The following SNRNP200 variants were observed in gnomAD, a reference collection of about 807,000 sequenced individuals.
The protein encoded by SNRNP200 is U5 small nuclear ribonucleoprotein 200 kDa helicase.
In SNRNP200, 66 loss-of-function variants were observed where a neutral mutation model predicts 255.2. The ratio of observed to expected loss-of-function variants is 0.26; its 90% confidence interval spans 0.21 to 0.32. The LOEUF is 0.32. Ranked by LOEUF, SNRNP200 falls within the 10% of genes least tolerant of loss-of-function variation. The pLI, the probability that SNRNP200 is intolerant of heterozygous loss-of-function variation, is 1.00. For missense variants in SNRNP200, 1,585 were observed against 2,749.8 expected, an observed-to-expected ratio of 0.58 and a Z score of 9.47; for synonymous variants, 939 against 1,027.8, an observed-to-expected ratio of 0.91 and a Z score of 1.65.
intron 3 of SNRNP200, among the ~76,000 whole-genome samples, chr2:96,302,253 A>G (rs2063958061): frequency 6.6e-6 from 1 of 152,192 alleles, no homozygotes; most frequent in Non-Finnish European, 1.5e-5. Context: ...TCATGGAGTT[A>G]TGTAGGGTTG....
rs539528597 is a variant in SNRNP200 at position 96,286,186 on chromosome 2, C to A, written c.4003+125G>T. The A allele has an allele frequency of 1.1e-6, 1 of 924,904 alleles. No individual in the cohort carries two copies. The highest frequency in any genetic ancestry group is 1.8e-6 in the Non-Finnish European group (1 of 558,502). The allele number at this position is 924,904 out of a possible 1,614,324, so 57.3% of individuals were successfully genotyped here. A position where few individuals can be genotyped will look rare whatever the true frequency, so the allele number is the denominator to read the frequency against. ...AGGAAAAAGTCCTGGTGGGTCCCAG[C>A]GGTCACACTGAGGAGCTCCCAGACC... is the stretch of plus-strand genomic sequence containing the variant. On this transcript the variant is annotated intron_variant, in intron 29 of 44. Transcript: ENST00000323853. This position sits in a 1 kb window ranked among gnomAD's most constrained non-coding sequence, Gnocchi z 4.8.
chr2:96,277,044 A>G lies in SNRNP200; in HGVS notation c.6092+37T>C, dbSNP rs1277912766. The G allele has an allele frequency of 6.2e-7, 1 of 1,613,858 alleles. No individual in the cohort carries two copies. The highest frequency in any genetic ancestry group is 2.2e-5 in the East Asian group (1 of 44,882). On this transcript the variant is annotated intron_variant, in intron 42 of 44. Transcript: ENST00000323853. The surrounding 1 kb of genome is among the most constrained non-coding windows in gnomAD (Gnocchi z 4.4). ...TGGGGCAGTGGGCTCAGAGCACACT[A>G]TTATGCTGTGCCCAACAGGCACCAC...
Position 96,286,964 on chromosome 2 carries a change from T to G in SNRNP200, c.3639+42A>C. On this transcript the variant is annotated intron_variant, in intron 27 of 44. Coordinates refer to ENST00000323853, the MANE Select transcript of SNRNP200 (RefSeq NM_014014.5). The surrounding 1 kb of genome is among the most constrained non-coding windows in gnomAD (Gnocchi z 4.8). ...ATCTCCTCGGCCCAGCAACGTAGAC[T>G]GAGCACCTCCAATCCAGCACCTCTG... is the stretch of plus-strand genomic sequence containing the variant. 6.2e-7 allele frequency: 1 copy of G among 1,614,112 alleles called. No individual in the cohort carries two copies. The highest frequency in any genetic ancestry group is 8.5e-7 in the Non-Finnish European group (1 of 1,179,936).
chr2:96,278,737 A>G lies in SNRNP200; in HGVS notation c.5324-26T>C. 6.2e-7 allele frequency: 1 copy of G among 1,614,168 alleles called. No homozygotes were observed. Among genetic ancestry groups the G allele is most frequent in the South Asian group, 1.1e-5 (1 of 91,084 alleles). On this transcript the variant is annotated intron_variant, in intron 37 of 44. Coordinates refer to ENST00000323853, the MANE Select transcript of SNRNP200 (RefSeq NM_014014.5). This position sits in a 1 kb window ranked among gnomAD's most constrained non-coding sequence, Gnocchi z 6.9. Reference sequence around the variant, plus strand: ...CTATGGAGGCGAGAGGTGAGTGGGGAGCCTCAAGAAGATGCCCAGCAAAGA... The same window carrying G: ...CTATGGAGGCGAGAGGTGAGTGGGGGGCCTCAAGAAGATGCCCAGCAAAGA...
chr2:96,279,582 A>G (rs1421397237), intron 35 of SNRNP200, 23 bp from the exon 36 acceptor site: 2 of 1,527,198 alleles, frequency 1.3e-6, no homozygotes, highest in Admixed American at 1.7e-5. Flanking sequence ...GCAGGGAAAG[A>G]AGGAAAAGCC....
Position 96,299,409 on chromosome 2 carries a change from A to G in SNRNP200, c.649T>C (p.Tyr217His). The change falls in exon 6 of 45, where the codon TAC (tyrosine) becomes CAC (histidine). Residue 217 changes from tyrosine (Y) to histidine (H), a missense_variant. Physicochemically the swap from Tyr to His is moderately conservative, Grantham distance 83. Transcript: ENST00000323853. Reference sequence around the variant, plus strand: ...GATGCCTCTTCTCGAACCTCCCCGTATACGTCTTCATCACCTTCCTGTGGA... The same window carrying G: ...GATGCCTCTTCTCGAACCTCCCCGTGTACGTCTTCATCACCTTCCTGTGGA... ...SDEEEGDEDVYGEVREEASDD... is the reference protein window; with the variant it reads ...SDEEEGDEDVHGEVREEASDD... The G allele has an allele frequency of 6.2e-7, 1 of 1,614,004 alleles. No individual in the cohort carries two copies. Among genetic ancestry groups the G allele is most frequent in the Non-Finnish European group, 8.5e-7 (1 of 1,179,958 alleles).
intron 36 of SNRNP200, 100 bp downstream of exon 36, chr2:96,279,351 G>T: frequency 1.2e-6 from 1 of 829,588 alleles, no homozygotes. Context: ...AGAGGCAGAA[G>T]TTAAGAGACT....
chr2:96,275,477 C>T, intron 43 of SNRNP200, 128 bp from the exon 44 acceptor site: 2 of 807,568 alleles, frequency 2.5e-6, no homozygotes, highest in Admixed American at 2.0e-5. Context: ...TCCCGAAATA[C>T]AATTAGATTT....
Position 96,281,928 on chromosome 2 carries a change from C to T in SNRNP200, c.4916-6G>A, listed in dbSNP as rs577564253. The T allele has an allele frequency of 2.0e-5, 33 of 1,612,508 alleles. No homozygotes were observed. Among genetic ancestry groups the T allele is most frequent in the African/African-American group, 2.0e-4 (15 of 75,020 alleles). On this transcript the variant is annotated splice_polypyrimidine_tract_variant and splice_region_variant and intron_variant, in intron 34 of 44. Coordinates refer to ENST00000323853, the MANE Select transcript of SNRNP200 (RefSeq NM_014014.5). The stretch of plus-strand genomic sequence containing the variant: ...CACCACCACCTGGATAGCCCCTGAG[C>T]AGTAGAGGGGAGAGGAAGGCTGAGG...
intron 13 of SNRNP200, 68 bp downstream of exon 13, chr2:96,296,468 C>T (rs1203925523): frequency 6.5e-7 from 1 of 1,527,444 alleles, no homozygotes; most frequent in Non-Finnish European, 9.0e-7. Flanking sequence ...GCGGTGAGGT[C>T]CAGGCCTGTC....
In SNRNP200 at chr2:96,283,092, G is replaced by T. The variant is rs2063814629; in HGVS notation, c.4915+109C>A. ...AGCCAAGAGTCCTAAACAGTATTTT[G>T]AAAATCTCTGGTATGCTGTAGAGAA... On this transcript the variant is annotated intron_variant, in intron 34 of 44. Coordinates refer to ENST00000323853, the MANE Select transcript of SNRNP200 (RefSeq NM_014014.5). The surrounding 1 kb of genome is among the most constrained non-coding windows in gnomAD (Gnocchi z 4.7). The T allele has an allele frequency of 2.8e-6, 4 of 1,408,222 alleles. No individual in the cohort carries two copies. Among genetic ancestry groups the T allele is most frequent in the Non-Finnish European group, 4.0e-6 (4 of 1,005,202 alleles). 87.2% of individuals were successfully genotyped at this position (1,408,222 alleles called of 1,614,324 possible). A position where few individuals can be genotyped will look rare whatever the true frequency, so the allele number is the denominator to read the frequency against.
rs973369009 is a variant in SNRNP200 at position 96,278,024 on chromosome 2, C to T, written c.5611-74G>A. The T allele has an allele frequency of 5.6e-6, 9 of 1,603,262 alleles. No individual in the cohort carries two copies. In the African/African-American group the frequency reaches 6.7e-5, roughly 12 times the overall value. ...GAGACCAGCTCAGGCCAAAGCACCACGTGGCCCAGGCTCACACAGCCCTTC... is the reference window on the plus strand; with the variant it reads ...GAGACCAGCTCAGGCCAAAGCACCATGTGGCCCAGGCTCACACAGCCCTTC... On this transcript the variant is annotated intron_variant, in intron 39 of 44. Coordinates refer to ENST00000323853, the MANE Select transcript of SNRNP200 (RefSeq NM_014014.5). This position sits in a 1 kb window ranked among gnomAD's most constrained non-coding sequence, Gnocchi z 6.9.
Position 96,290,614 on chromosome 2 carries a change from T to C in SNRNP200, c.2553+70A>G. The C allele has an allele frequency of 6.2e-7, 1 of 1,613,142 alleles. No homozygotes were observed. On this transcript the variant is annotated intron_variant, in intron 19 of 44. Coordinates refer to ENST00000323853, the MANE Select transcript of SNRNP200 (RefSeq NM_014014.5). This position sits in a 1 kb window ranked among gnomAD's most constrained non-coding sequence, Gnocchi z 4.5. ...AGAACTAGACCTCTGATCTGCTAGC[T>C]TTCCAGCATCCCTGCATTTCAGGCA...
At chr2:96,295,139 G>A (rs1190917185) in intron 14 of SNRNP200, among the ~76,000 whole-genome samples, 3 of 152,200 alleles carry the variant, frequency 2.0e-5, no homozygotes, top group African/African-American at 7.2e-5. Context: ...AACTCGGGAG[G>A]CAGAGGCTGC....
chr2:96,289,505 T>A, intron 21 of SNRNP200, 126 bp from the exon 22 acceptor site: 1 of 1,001,740 alleles, frequency 1.0e-6, no homozygotes, highest in Non-Finnish European at 1.5e-6. Flanking sequence ...TGACCCAATG[T>A]CATTATTGTC....
Position 96,279,010 on chromosome 2 carries a change from A to G in SNRNP200, c.5134-12T>C, listed in dbSNP as rs767806531. 6.2e-7 allele frequency: 1 copy of G among 1,608,088 alleles called. No individual in the cohort carries two copies. Among genetic ancestry groups the G allele is most frequent in the Non-Finnish European group, 8.5e-7 (1 of 1,174,534 alleles). On this transcript the variant is annotated splice_polypyrimidine_tract_variant and intron_variant, in intron 36 of 44. Coordinates refer to ENST00000323853, the MANE Select transcript of SNRNP200 (RefSeq NM_014014.5). ...TTCTTGAAGAAATCCTGTGGGTTGG[A>G]GAGGGAGAAGGAGTAATAAAGAATT...
In SNRNP200 at chr2:96,283,145, TAAC is replaced by T; in HGVS notation, c.4915+53_4915+55del. 6.2e-7 allele frequency: 1 copy of T among 1,608,226 alleles called. No individual in the cohort carries two copies. Among genetic ancestry groups the T allele is most frequent in the Non-Finnish European group, 8.5e-7 (1 of 1,177,826 alleles). ...CACTGCCACCCGCACCCCTCAAGTT[TAAC>T]ACCACCACTTGGTGATACCCTTGCT... On this transcript the variant is annotated intron_variant, in intron 34 of 44. Coordinates refer to ENST00000323853, the MANE Select transcript of SNRNP200 (RefSeq NM_014014.5). The surrounding 1 kb of genome is among the most constrained non-coding windows in gnomAD (Gnocchi z 4.7).
At chr2:96,304,044 G>C (rs75190975) in intron 2 of SNRNP200, among the ~76,000 whole-genome samples, 3,695 of 152,064 alleles carry the variant, frequency 0.024, 147 homozygotes, top group African/African-American at 0.085. Context: ...TATCAACAAA[G>C]TATAACAAAA....
Position 96,290,143 on chromosome 2 carries a change from A to G in SNRNP200, c.2743-147T>C, listed in dbSNP as rs1573995570. 2.9e-6 allele frequency: 3 copies of G among 1,052,402 alleles called. No homozygotes were observed. The highest frequency in any genetic ancestry group is 4.8e-5 in the East Asian group (2 of 41,436). The allele number at this position is 1,052,402 out of a possible 1,614,324, so 65.2% of individuals were successfully genotyped here. On this transcript the variant is annotated intron_variant, in intron 20 of 44. Coordinates refer to ENST00000323853, the MANE Select transcript of SNRNP200 (RefSeq NM_014014.5). This position sits in a 1 kb window ranked among gnomAD's most constrained non-coding sequence, Gnocchi z 4.5. ...AATGTTTTTAGCATTTCATTATTAA[A>G]AAGATCTAAGCGTCTTCTAAGATCT...
Sources: gnomAD v4.1 joint callset for allele counts (sites outside exome capture counted in the v4.1 genomes callset) on GRCh38, gnomAD v4.1.1 for gene constraint, Gnocchi (gnomAD v3.1) non-coding constraint, MANE v1.5 for transcripts, NCBI Gene and HGNC (gene_info 2026-07-23, HGNC 2026-07-21) for gene names.